EML6: variants seen among roughly 807,000 people sequenced by gnomAD.
EML6 encodes EMAP like 6.
Under a neutral mutation model 240.1 loss-of-function variants are expected in EML6, and 154 were observed. The ratio of observed to expected loss-of-function variants is 0.64; its 90% CI spans 0.56 to 0.73. The LOEUF (loss-of-function observed/expected upper bound fraction) is 0.73. Ranked by LOEUF, EML6 falls within the 30% of genes least tolerant of loss-of-function variation. EML6 has a pLI of 0.00. For synonymous variants in EML6, 1,148 were observed against 899.0 expected, an observed-to-expected ratio of 1.28 and a Z score of -4.95; for missense variants, 2,964 against 2,474.6, an observed-to-expected ratio of 1.20 and a Z score of -4.20.
At chr2:54,852,195 C>A (rs564084560) in intron 10 of EML6, among the ~76,000 whole-genome samples, 5 of 152,100 alleles carry the variant, frequency 3.3e-5, no homozygotes, top group Admixed American at 3.3e-4. Flanking sequence ...TTTTTAAATG[C>A]TATTTTTGTG....
intron 21 of EML6, among the ~76,000 whole-genome samples, chr2:54,896,140 AC>A (rs1672752382): frequency 6.6e-6 from 1 of 152,040 alleles, no homozygotes; most frequent in Non-Finnish European, 1.5e-5. Context: ...CTTTACCTCC[AC>A]CTCCAAGGTC....
intron 3 of EML6, among the ~76,000 whole-genome samples, chr2:54,814,457 G>T (rs964648927): frequency 6.6e-6 from 1 of 152,154 alleles, no homozygotes; most frequent in Admixed American, 6.5e-5. Flanking sequence ...TCCTGGCTCC[G>T]GCTGCATTCA....
chr2:54,750,206 A>G (rs1055139653), intron 2 of EML6, among the ~76,000 whole-genome samples: 1 of 152,228 alleles, frequency 6.6e-6, no homozygotes, highest in African/African-American at 2.4e-5. Context: ...TGGCCCAGGA[A>G]GAACTCAGGT....
intron 28 of EML6, among the ~76,000 whole-genome samples, chr2:54,944,455 A>G (rs936698423): frequency 2.0e-5 from 3 of 152,122 alleles, no homozygotes; most frequent in African/African-American, 4.8e-5. Flanking sequence ...TTTCTTCTCC[A>G]TAACCACTGC....
intron 2 of EML6, among the ~76,000 whole-genome samples, chr2:54,808,474 A>G (rs979752867): frequency 7.2e-5 from 11 of 152,086 alleles, no homozygotes; most frequent in African/African-American, 2.7e-4. Flanking sequence ...TCTTCAGGGC[A>G]GGGAGGGAGA....
intron 28 of EML6, among the ~76,000 whole-genome samples, chr2:54,933,985 T>C (rs769366838): frequency 1.3e-5 from 2 of 152,172 alleles, no homozygotes; most frequent in African/African-American, 2.4e-5. Context: ...GATAATTTTT[T>C]TGAATCACCA....
chr2:54,747,998 A>G (rs964983247), intron 2 of EML6, among the ~76,000 whole-genome samples: 11 of 152,218 alleles, frequency 7.2e-5, no homozygotes, highest in African/African-American at 2.7e-4. Flanking sequence ...ATAGGTTTAG[A>G]AACTTTCACT....
chr2:54,868,863 G>C (rs535156357), intron 14 of EML6: 1 of 253,806 alleles, frequency 3.9e-6, no homozygotes, highest in Admixed American at 5.0e-5. Flanking sequence ...ATTTATGAGA[G>C]GGGAGATGGG....
chr2:54,807,541 C>A lies in EML6; in HGVS notation c.198-5691C>A, dbSNP rs185457849. 3.0e-3 allele frequency among the ~76,000 whole-genome samples: 459 copies of A among 152,262 alleles called. 9 individuals are homozygous for A. The highest frequency in any genetic ancestry group is 0.01 in the African/African-American group (430 of 41,546). On this transcript the variant is annotated intron_variant, in intron 2 of 41. Coordinates refer to ENST00000356458, the MANE Select transcript of EML6 (RefSeq NM_001039753.4). ...TAGTGATTTCCATGATGTAAATATA[C>A]CCACTATGGCTGACTTCAAGCCACC...
chr2:54,912,155 A>G (rs550798399), intron 25 of EML6, among the ~76,000 whole-genome samples: 5 of 152,364 alleles, frequency 3.3e-5, no homozygotes, highest in East Asian at 1.9e-4. Flanking sequence ...TTGTTTGTAA[A>G]GGAAGTATAT....
At chr2:54,959,530 G>A (rs1247936161) in intron 34 of EML6, among the ~76,000 whole-genome samples, 1 of 152,178 alleles carries the variant, frequency 6.6e-6, no homozygotes, top group Non-Finnish European at 1.5e-5. Context: ...GGGAGGCCAA[G>A]GTGGGCAGAT....
chr2:54,899,141 A>G (rs1672925757), intron 21 of EML6, among the ~76,000 whole-genome samples: 1 of 152,238 alleles, frequency 6.6e-6, no homozygotes, highest in Non-Finnish European at 1.5e-5. Context: ...ACACATTCAA[A>G]GGACTAAAAT....
intron 21 of EML6, among the ~76,000 whole-genome samples, chr2:54,896,371 A>AATTGCATC (rs1477892615): frequency 6.6e-6 from 1 of 152,162 alleles, no homozygotes; most frequent in Admixed American, 6.5e-5. Context: ...CACATAAGCA[A>AATTGCATC]ATTGCATCCT....
intron 28 of EML6, 87 bp from the exon 29 acceptor site, chr2:54,948,795 G>A (rs1184321658): frequency 1.0e-5 from 10 of 988,398 alleles, no homozygotes; most frequent in African/African-American, 3.2e-5. Flanking sequence ...AGAGGAGGCC[G>A]GCACTGGCCT....
Position 54,954,153 on chromosome 2 carries a change from G to A in EML6, c.4483G>A (p.Glu1495Lys). 4 of 1,550,754 alleles carry A rather than the reference G, an allele frequency of 2.6e-6. No homozygotes were observed. The highest frequency in any genetic ancestry group is 3.5e-6 in the Non-Finnish European group (4 of 1,146,578). Residue 1495 changes from glutamate (E) to lysine (K), a missense_variant, in exon 32 of 42, where the codon GAA (glutamate) becomes AAA (lysine). Transcript: ENST00000356458. ...CACCATCACTGTCTGGCGATGGCAG[G>A]AAGGTAAACCAGCACTGGGCTTTCT... ...EHTITVWRWQ[E>K]GAKVASRGGH...
chr2:54,901,939 A>G lies in EML6; in HGVS notation c.3125-1105A>G, dbSNP rs1156525339. ...CAGAAATGTCTTTGTGACCCTACAAAGGAGTAGAGAACATGGTTCATGGAG... is the reference window on the plus strand; with the variant it reads ...CAGAAATGTCTTTGTGACCCTACAAGGGAGTAGAGAACATGGTTCATGGAG... On this transcript the variant is annotated intron_variant, in intron 22 of 41. Transcript: ENST00000356458. Among the ~76,000 whole-genome samples the G allele has an allele frequency of 2.0e-5, 3 of 152,224 alleles. No individual in the cohort carries two copies. In the East Asian group the frequency reaches 5.8e-4, roughly 29 times the overall value.
At chr2:54,815,880 C>A (rs901818405) in intron 3 of EML6, among the ~76,000 whole-genome samples, 22 of 152,196 alleles carry the variant, frequency 1.4e-4, no homozygotes, top group Non-Finnish European at 2.2e-4. Context: ...CACACTCTTA[C>A]ACTTGGGGAA....
chr2:54,837,065 G>T (rs1300260118), intron 7 of EML6, among the ~76,000 whole-genome samples: 1 of 152,040 alleles, frequency 6.6e-6, no homozygotes, highest in East Asian at 1.9e-4. Flanking sequence ...TCCCTCTTAA[G>T]TTTGGGTGAA....
intron 2 of EML6, among the ~76,000 whole-genome samples, chr2:54,794,759 C>A (rs767858039): frequency 6.6e-6 from 1 of 152,062 alleles, no homozygotes; most frequent in African/African-American, 2.4e-5. Context: ...GTTCAGCTTA[C>A]AAAAATTGTA....
Sources: gnomAD v4.1 joint callset for allele counts (sites outside exome capture counted in the v4.1 genomes callset) on GRCh38, gnomAD v4.1.1 for gene constraint, MANE v1.5 for transcripts, NCBI Gene and HGNC (gene_info 2026-07-23, HGNC 2026-07-21) for gene names.